The following CLGN variants were observed in gnomAD, a reference collection of about 807,000 sequenced individuals.
The protein encoded by CLGN is testis tissue sperm-binding protein Li 79P.
CLGN carries 62 observed loss-of-function variants against 79.1 expected under a neutral mutation model. That is an observed-to-expected ratio of 0.78 (90% CI 0.64 to 0.97). The LOEUF (loss-of-function observed/expected upper bound fraction) is 0.97, where lower values mean the gene tolerates loss of function less well. Among genes scored for constraint, CLGN ranks in the 50% least tolerant of loss-of-function variants. The pLI, the probability that CLGN is intolerant of heterozygous loss-of-function variation, is 0.00. For missense variants in CLGN, 647 were observed against 715.5 expected (o/e 0.90, Z 1.09); for synonymous variants, 225 against 224.7 (o/e 1.00, Z -0.01).
chr4:140,403,366 C>T (rs1021023192), intron 5 of CLGN, among the ~76,000 whole-genome samples: 2 of 152,190 alleles, frequency 1.3e-5, no homozygotes, highest in Non-Finnish European at 2.9e-5. Context: ...CAAATACATG[C>T]TCAAAATGCT....
chr4:140,425,789 C>T (rs575548573), intron 1 of CLGN, among the ~76,000 whole-genome samples: 1 of 151,674 alleles, frequency 6.6e-6, no homozygotes, highest in South Asian at 2.1e-4. Context: ...CCACTATGCC[C>T]GGCTAATTTT....
chr4:140,400,266 T>C, intron 7 of CLGN, 91 bp downstream of exon 7: 1 of 852,432 alleles, frequency 1.2e-6, no homozygotes, highest in Non-Finnish European at 1.9e-6. Context: ...CAGGATGGGG[T>C]ACACATTTGT....
chr4:140,409,929 T>C, intron 3 of CLGN, 34 bp from the exon 4 acceptor site: 1 of 1,467,542 alleles, frequency 6.8e-7, no homozygotes, highest in Non-Finnish European at 9.4e-7. Context: ...TATATGTCAT[T>C]GACAATAAAA....
chr4:140,416,972 TC>T (rs1729345748), intron 1 of CLGN, among the ~76,000 whole-genome samples: 1 of 152,108 alleles, frequency 6.6e-6, no homozygotes, highest in Non-Finnish European at 1.5e-5. Flanking sequence ...CCAAACTGAA[TC>T]CAGCAGCACA....
chr4:140,413,236 G>A, intron 1 of CLGN, 149 bp from the exon 2 acceptor site: 3 of 638,330 alleles, frequency 4.7e-6, no homozygotes, highest in Non-Finnish European at 8.0e-6. Context: ...TTTAAATTGT[G>A]CTTTGAGCAA....
intron 1 of CLGN, among the ~76,000 whole-genome samples, chr4:140,425,429 G>GGTGTGTGGGTGTGT (rs1553946833): frequency 9.7e-4 from 113 of 116,948 alleles, no homozygotes; most frequent in East Asian, 2.6e-3. Flanking sequence ...GAATCAATAG[G>GGTGTGTGGGTGTGT]GTGTGTGTGT....
At chr4:140,416,565 C>T (rs1201471581) in intron 1 of CLGN, among the ~76,000 whole-genome samples, 1 of 151,672 alleles carries the variant, frequency 6.6e-6, no homozygotes, top group Non-Finnish European at 1.5e-5. Context: ...GAGAATACTA[C>T]AAACACCTCT....
intron 1 of CLGN, among the ~76,000 whole-genome samples, chr4:140,419,922 T>C (rs1456464980): frequency 6.6e-6 from 1 of 152,170 alleles, no homozygotes; most frequent in Non-Finnish European, 1.5e-5. Flanking sequence ...AATTGTGAAC[T>C]CTAAAAGCTT....
At chr4:140,398,723 C>A (rs1728940780) in intron 8 of CLGN, 128 bp downstream of exon 8, 1 of 732,382 alleles carries the variant, frequency 1.4e-6, no homozygotes, top group Non-Finnish European at 2.2e-6. Context: ...ATATTTCACC[C>A]AAAATACTAA....
chr4:140,408,586 A>G (rs948187766), intron 4 of CLGN, among the ~76,000 whole-genome samples: 1 of 152,098 alleles, frequency 6.6e-6, no homozygotes, highest in Non-Finnish European at 1.5e-5. Flanking sequence ...GCTCAACATC[A>G]CTAATCATCA....
intron 1 of CLGN, chr4:140,426,923 G>A (rs1275666066): frequency 6.6e-6 from 1 of 152,404 alleles, no homozygotes; most frequent in South Asian, 2.1e-4. Flanking sequence ...TGGGCTCTGC[G>A]CGGGTATCGA....
At chr4:140,392,465 A>G (rs919347652) in intron 12 of CLGN, 87 bp from the exon 13 acceptor site, 6 of 1,479,354 alleles carry the variant, frequency 4.1e-6, no homozygotes, top group Non-Finnish European at 5.5e-6. Flanking sequence ...ATACATAATG[A>G]ACTATCAGTA....
In CLGN at chr4:140,400,308, A is replaced by T. The variant is rs76774715; in HGVS notation, c.694+49T>A. 3,771 of 1,351,948 alleles carry T rather than the reference A, an allele frequency of 2.8e-3. 96 individuals carry two copies. The African/African-American group carries it at 0.049, about 18-fold the overall frequency. 83.7% of individuals were successfully genotyped at this position (1,351,948 alleles called of 1,614,324 possible). A position where few individuals can be genotyped will look rare whatever the true frequency, so the allele number is the denominator to read the frequency against. On this transcript the variant is annotated intron_variant, in intron 7 of 14. Transcript: ENST00000325617. ...GTAAAGCACTTGCCATGAATACATC[A>T]ATAGTCAGCAAATATTTTTGAATAC...
rs201814875 is a variant in CLGN, at chr4:140,398,923, T to C, written c.812A>G (p.Asn271Ser). ...ATCCCATTCCTCAGGTTTTTTATCATTGGGATCTTCAATTTCTTTGGGAGG... is the reference window on the plus strand; with the variant it reads ...ATCCCATTCCTCAGGTTTTTTATCACTGGGATCTTCAATTTCTTTGGGAGG... The part of the protein sequence containing the change: ...IKPPKEIEDP[N>S]DKKPEEWDER... Residue 271 changes from asparagine (N) to serine (S), a missense_variant, in exon 8 of 15, where the codon AAT (asparagine) becomes AGT (serine). Asn to Ser is a conservative substitution (Grantham distance 46). Transcript: ENST00000325617. The C allele has an allele frequency of 4.1e-5, 66 of 1,613,990 alleles. No individual in the cohort carries two copies. In the East Asian group the frequency reaches 1.1e-3, roughly 28 times the overall value.
intron 5 of CLGN, among the ~76,000 whole-genome samples, chr4:140,402,716 T>C (rs1729022585): frequency 2.2e-4 from 1 of 4,516 alleles, no homozygotes; most frequent in Non-Finnish European, 6.0e-4. Context: ...TCAGCAAAGT[T>C]TTTTTTTCTT....
At chr4:140,410,483 T>C in intron 3 of CLGN, 70 bp downstream of exon 3, 4 of 1,099,070 alleles carry the variant, frequency 3.6e-6, no homozygotes, top group Middle Eastern at 2.0e-4. Context: ...ATAATTTTCA[T>C]AGGCCAAAAC....
At chr4:140,422,641 G>A (rs565219782) in intron 1 of CLGN, among the ~76,000 whole-genome samples, 137 of 152,064 alleles carry the variant, frequency 9.0e-4, no homozygotes, top group Non-Finnish European at 1.6e-3. Flanking sequence ...TTTTGAGATG[G>A]GATCTCACTC....
chr4:140,411,690 C>T (rs1055966224), intron 2 of CLGN, among the ~76,000 whole-genome samples: 1 of 152,038 alleles, frequency 6.6e-6, no homozygotes, highest in African/African-American at 2.4e-5. Flanking sequence ...TCAGTAATTA[C>T]ACAAAATTCC....
intron 8 of CLGN, 24 bp downstream of exon 8, chr4:140,398,827 T>C: frequency 6.2e-7 from 1 of 1,607,120 alleles, no homozygotes; most frequent in Non-Finnish European, 8.5e-7. Context: ...CAGATAATGC[T>C]TTGCTACCGA....
Sources: allele counts gnomAD v4.1 joint callset (sites outside exome capture counted in the v4.1 genomes callset), GRCh38; gene constraint gnomAD v4.1.1; transcripts MANE v1.5; gene names NCBI Gene and HGNC (gene_info 2026-07-23, HGNC 2026-07-21).